PRKCA: variants seen among roughly 807,000 people sequenced by gnomAD.
The protein encoded by PRKCA is protein kinase C alpha type.
A neutral mutation model predicts 87.0 loss-of-function variants in PRKCA; 27 were observed. The ratio of observed to expected loss-of-function variants is 0.31; its 90% confidence interval spans 0.23 to 0.43. The LOEUF (loss-of-function observed/expected upper bound fraction) is 0.43, where lower values mean the gene tolerates loss of function less well. Ranked by LOEUF, PRKCA falls within the 20% of genes least tolerant of loss-of-function variation. The pLI, the probability that PRKCA is intolerant of heterozygous loss-of-function variation, is 1.00. For missense variants in PRKCA, 518 were observed against 852.3 expected (o/e 0.61, Z 4.88); for synonymous variants, 329 against 311.1 (o/e 1.06, Z -0.61).
intron 2 of PRKCA, among the ~76,000 whole-genome samples, chr17:66,423,122 A>G (rs8082400): frequency 1.1e-4 from 17 of 151,768 alleles, no homozygotes; most frequent in African/African-American, 4.1e-4. Flanking sequence ...AAAAAAAAAA[A>G]GTATTATTGC....
intron 4 of PRKCA, among the ~76,000 whole-genome samples, chr17:66,642,421 G>A (rs1445395780): frequency 6.6e-5 from 10 of 151,990 alleles, no homozygotes; most frequent in Non-Finnish European, 1.0e-4. Flanking sequence ...GAGTCACCGC[G>A]CCCAACCTGC....
chr17:66,306,126 A>T lies in PRKCA; in HGVS notation c.204A>T (p.Gln68His), dbSNP rs376921936. The change falls in exon 2 of 17, where the codon CAA becomes CAT. Residue 68 changes from glutamine (Q) to histidine (H), a missense_variant and splice_region_variant. Transcript: ENST00000413366. ...TTGGGAAACAAGGCTTCCAGTGCCA[A>T]GGTAAGCTACCACTTTTGGTTTTAT... Reference protein sequence around the residue: ...WGFGKQGFQCQVCCFVVHKRC... With the variant: ...WGFGKQGFQCHVCCFVVHKRC... 1 of 1,611,974 alleles carries T rather than the reference A, an allele frequency of 6.2e-7. No homozygotes were observed. Among genetic ancestry groups the T allele is most frequent in the Non-Finnish European group, 8.5e-7 (1 of 1,179,246 alleles).
chr17:66,613,690 T>C (rs538031928), intron 3 of PRKCA, among the ~76,000 whole-genome samples: 1 of 151,896 alleles, frequency 6.6e-6, no homozygotes, highest in East Asian at 1.9e-4. Flanking sequence ...ATCTCCTCTC[T>C]GTGTATCTTT....
intron 13 of PRKCA, among the ~76,000 whole-genome samples, chr17:66,765,449 TATATATCCATATATATAC>T (rs1974787896): frequency 1.4e-5 from 2 of 140,198 alleles, no homozygotes; most frequent in South Asian, 4.5e-4. Flanking sequence ...TATATATATA[TATATATCCATATATATAC>T]ATATTTGTCC....
At chr17:66,779,042 A>C (rs1011783843) in intron 14 of PRKCA, among the ~76,000 whole-genome samples, 1 of 152,124 alleles carries the variant, frequency 6.6e-6, no homozygotes, top group Non-Finnish European at 1.5e-5. Context: ...GCTGTCACTC[A>C]GCTCAGAAAG....
intron 7 of PRKCA, 53 bp from the exon 8 acceptor site, chr17:66,688,898 G>A (rs767029033): frequency 1.3e-5 from 16 of 1,187,250 alleles, no homozygotes; most frequent in Non-Finnish European, 1.7e-5. Flanking sequence ...AGAGGCTGCA[G>A]GAAAGGCTTG....
At chr17:66,653,928 C>G (rs1382174839) in intron 5 of PRKCA, among the ~76,000 whole-genome samples, 1 of 152,100 alleles carries the variant, frequency 6.6e-6, no homozygotes, top group Non-Finnish European at 1.5e-5. Context: ...TGACAAAGCA[C>G]ACTTTATCTC....
At chr17:66,453,656 C>T (rs377321297) in intron 2 of PRKCA, among the ~76,000 whole-genome samples, 40 of 152,186 alleles carry the variant, frequency 2.6e-4, no homozygotes, top group African/African-American at 9.2e-4. Context: ...CCTCCCTTTG[C>T]GCCGCCCTCG....
chr17:66,744,073 G>T (rs1375089907), intron 13 of PRKCA, among the ~76,000 whole-genome samples: 2 of 152,082 alleles, frequency 1.3e-5, no homozygotes, highest in Non-Finnish European at 2.9e-5. Flanking sequence ...AAGGGAAGCT[G>T]CTTTTTATTC....
chr17:66,458,379 C>T (rs984577731), intron 2 of PRKCA, among the ~76,000 whole-genome samples: 8 of 151,968 alleles, frequency 5.3e-5, no homozygotes, highest in African/African-American at 1.9e-4. Flanking sequence ...TGGAGTTAAA[C>T]AAAAATGGAC....
At chr17:66,750,985 T>C (rs2144263414) in intron 13 of PRKCA, among the ~76,000 whole-genome samples, 1 of 152,324 alleles carries the variant, frequency 6.6e-6, no homozygotes, top group South Asian at 2.1e-4. Context: ...CACAGGCCTG[T>C]TATTGGCTTT....
At chr17:66,471,645 ATTTT>A (rs554913573) in intron 2 of PRKCA, among the ~76,000 whole-genome samples, 3 of 137,860 alleles carry the variant, frequency 2.2e-5, no homozygotes, top group African/African-American at 2.7e-5. Context: ...CTGTTTTCTA[ATTTT>A]TTTTTTTTTT....
intron 16 of PRKCA, among the ~76,000 whole-genome samples, chr17:66,790,132 A>G (rs3803818): frequency 0.55 from 83,543 of 152,108 alleles, 26,233 homozygotes; most frequent in African/African-American, 0.87. Flanking sequence ...CAGGGGACCC[A>G]CCTGGGGTGG....
intron 2 of PRKCA, among the ~76,000 whole-genome samples, chr17:66,418,770 A>G (rs893247357): frequency 1.8e-4 from 25 of 139,304 alleles, no homozygotes; most frequent in Non-Finnish European, 3.7e-4. Context: ...TTTGTTTTTT[A>G]AGAGGGAGTC....
chr17:66,544,014 C>G (rs1968070628), intron 3 of PRKCA, among the ~76,000 whole-genome samples: 1 of 152,154 alleles, frequency 6.6e-6, no homozygotes, highest in Admixed American at 6.5e-5. Context: ...GAGTTCGAGA[C>G]CAGCCTGGCC....
chr17:66,370,818 T>C (rs894302529), intron 2 of PRKCA, among the ~76,000 whole-genome samples: 5 of 152,084 alleles, frequency 3.3e-5, no homozygotes, highest in Non-Finnish European at 1.5e-5. Flanking sequence ...ATTTTTCTGT[T>C]TTTCAGAGAA....
In PRKCA at chr17:66,803,868, C is replaced by T. The variant is rs1598021034; in HGVS notation, c.1855-5C>T. 6.2e-7 allele frequency: 1 copy of T among 1,613,356 alleles called. No homozygotes were observed. Among genetic ancestry groups the T allele is most frequent in the Non-Finnish European group, 8.5e-7 (1 of 1,179,558 alleles). ...CCTTTCCTTCTTTTTGTCTTTTCTC[C>T]ACAGTGTGGCAAAGGAGCAGAGAAC... On this transcript the variant is annotated splice_region_variant and splice_polypyrimidine_tract_variant and intron_variant, in intron 16 of 16. Transcript: ENST00000413366. This position sits in a 1 kb window ranked among gnomAD's most constrained non-coding sequence, Gnocchi z 4.4.
At chr17:66,579,595 G>T (rs1267326058) in intron 3 of PRKCA, among the ~76,000 whole-genome samples, 1 of 152,188 alleles carries the variant, frequency 6.6e-6, no homozygotes, top group African/African-American at 2.4e-5. Context: ...CTGAGCTCAC[G>T]TGGCTGGTAG....
At chr17:66,420,009 T>C (rs1034567430) in intron 2 of PRKCA, among the ~76,000 whole-genome samples, 1 of 150,024 alleles carries the variant, frequency 6.7e-6, no homozygotes, top group Non-Finnish European at 1.5e-5. Context: ...GTTCTTTTTT[T>C]TTTTTTTTTT....
Sources: gnomAD v4.1 joint callset for allele counts (sites outside exome capture counted in the v4.1 genomes callset) on GRCh38, gnomAD v4.1.1 for gene constraint, Gnocchi (gnomAD v3.1) non-coding constraint, MANE v1.5 for transcripts, NCBI Gene and HGNC (gene_info 2026-07-23, HGNC 2026-07-21) for gene names.